The following TRAPPC9 variants were observed in gnomAD, a reference collection of about 807,000 sequenced individuals.
The protein encoded by TRAPPC9 is trafficking protein particle complex subunit 9.
TRAPPC9 carries 83 observed loss-of-function variants against 124.0 expected under a neutral mutation model. That is an observed-to-expected ratio of 0.67 (90% CI 0.56 to 0.80). The LOEUF (loss-of-function observed/expected upper bound fraction) is 0.80, where lower values mean the gene tolerates loss of function less well. Ranked by LOEUF, TRAPPC9 falls within the 30% of genes least tolerant of loss-of-function variation. TRAPPC9 has a pLI of 0.00. For missense variants in TRAPPC9, 1,302 were observed against 1,508.3 expected (o/e 0.86, Z 2.27); for synonymous variants, 638 against 617.5 (o/e 1.03, Z -0.49).
intron 21 of TRAPPC9, among the ~76,000 whole-genome samples, chr8:139,754,007 C>A (rs1819533066): frequency 6.6e-6 from 1 of 152,236 alleles, no homozygotes. Flanking sequence ...ATCAAACTGA[C>A]TTCATCTTGG....
chr8:140,423,331 T>C (rs907141105), intron 5 of TRAPPC9, among the ~76,000 whole-genome samples: 1 of 152,038 alleles, frequency 6.6e-6, no homozygotes, highest in South Asian at 2.1e-4. Flanking sequence ...TCCCAGCTAT[T>C]TGGGAGGCTG....
At position 139,730,998 on chromosome 8, in the gene TRAPPC9, G is replaced by A. The variant is rs577059363; in HGVS notation, c.*63C>T. The A allele has an allele frequency of 6.3e-7, 1 of 1,578,670 alleles. No homozygotes were observed. The highest frequency in any genetic ancestry group is 1.1e-5 in the South Asian group (1 of 88,758). ...AGTGAAGGCCTTGCTCATTGCAGGG[G>A]GTGTGGGAGGCCAGGCAGGGTCACC... On this transcript the variant is annotated 3_prime_UTR_variant, in exon 23 of 23. Transcript: ENST00000438773.
At chr8:139,922,774 AG>A (rs1391084380) in intron 19 of TRAPPC9, among the ~76,000 whole-genome samples, 2 of 152,148 alleles carry the variant, frequency 1.3e-5, no homozygotes, top group African/African-American at 4.8e-5. Context: ...GGCAGGCGAG[AG>A]GTAAAGGACG....
chr8:139,904,075 A>G (rs968150231), intron 20 of TRAPPC9, among the ~76,000 whole-genome samples: 2 of 152,114 alleles, frequency 1.3e-5, no homozygotes, highest in African/African-American at 4.8e-5. Context: ...CAAGCAAAAG[A>G]GAACACATAC....
At chr8:140,164,775 A>G (rs544199564) in intron 17 of TRAPPC9, among the ~76,000 whole-genome samples, 1 of 152,080 alleles carries the variant, frequency 6.6e-6, no homozygotes, top group African/African-American at 2.4e-5. Flanking sequence ...AGGAACCAAA[A>G]TCCACCCCGC....
intron 17 of TRAPPC9, among the ~76,000 whole-genome samples, chr8:140,146,447 A>AGTGG: frequency 6.6e-6 from 1 of 152,364 alleles, no homozygotes; most frequent in Non-Finnish European, 1.5e-5. Context: ...AGAATTTGTC[A>AGTGG]GTGGGAACCA....
At chr8:140,071,640 G>GT (rs1369296161) in intron 17 of TRAPPC9, among the ~76,000 whole-genome samples, 1 of 152,122 alleles carries the variant, frequency 6.6e-6, no homozygotes, top group African/African-American at 2.4e-5. Context: ...GATGGGGACG[G>GT]TAACGCCTGC....
At chr8:140,185,628 A>C (rs28595776) in intron 17 of TRAPPC9, among the ~76,000 whole-genome samples, 3,630 of 152,250 alleles carry the variant, frequency 0.024, 47 homozygotes, top group Middle Eastern at 0.085. Flanking sequence ...CACCCTGTAC[A>C]TGTCATTGCC....
At chr8:140,072,530 AGG>A (rs1843222142) in intron 17 of TRAPPC9, among the ~76,000 whole-genome samples, 2 of 128,218 alleles carry the variant, frequency 1.6e-5, no homozygotes, top group South Asian at 5.3e-4. Flanking sequence ...AAAAAAAAGG[AGG>A]AGGAGGAGGA....
At chr8:139,781,755 T>C (rs1360189371) in intron 21 of TRAPPC9, among the ~76,000 whole-genome samples, 7 of 152,068 alleles carry the variant, frequency 4.6e-5, no homozygotes, top group African/African-American at 1.4e-4. Context: ...GGGAGGGGTA[T>C]ATGGGAACTC....
chr8:139,957,600 C>G (rs1835085308), intron 19 of TRAPPC9, among the ~76,000 whole-genome samples: 1 of 152,192 alleles, frequency 6.6e-6, no homozygotes, highest in Non-Finnish European at 1.5e-5. Context: ...GCTGTGCTCT[C>G]TCCACCTCCA....
chr8:140,420,046 A>G (rs1458508710), intron 5 of TRAPPC9, among the ~76,000 whole-genome samples: 1 of 152,200 alleles, frequency 6.6e-6, no homozygotes, highest in East Asian at 1.9e-4. Flanking sequence ...TTGTGTTTCC[A>G]TATACTTGCA....
At chr8:140,022,410 AGC>A (rs1839878977) in intron 18 of TRAPPC9, among the ~76,000 whole-genome samples, 1 of 152,222 alleles carries the variant, frequency 6.6e-6, no homozygotes, top group South Asian at 2.1e-4. Flanking sequence ...GGATCCACAT[AGC>A]GCTTCAGCTG....
intron 17 of TRAPPC9, among the ~76,000 whole-genome samples, chr8:140,083,946 T>C (rs963511134): frequency 2.0e-5 from 3 of 152,212 alleles, no homozygotes; most frequent in Non-Finnish European, 4.4e-5. Flanking sequence ...ATTACAGGCA[T>C]GAGCGCCGCA....
At chr8:140,145,343 T>C (rs1390913277) in intron 17 of TRAPPC9, among the ~76,000 whole-genome samples, 3 of 151,894 alleles carry the variant, frequency 2.0e-5, no homozygotes, top group African/African-American at 7.2e-5. Context: ...GAAGCATTGA[T>C]GGCAGACGTC....
intron 21 of TRAPPC9, among the ~76,000 whole-genome samples, chr8:139,861,736 T>G (rs552109159): frequency 6.6e-6 from 1 of 152,162 alleles, no homozygotes; most frequent in Non-Finnish European, 1.5e-5. Context: ...ATCGAGTGGT[T>G]TTGAACAGAC....
chr8:139,948,583 T>C (rs1587314796), intron 19 of TRAPPC9, among the ~76,000 whole-genome samples: 1 of 152,074 alleles, frequency 6.6e-6, no homozygotes, highest in Non-Finnish European at 1.5e-5. Context: ...GGCAGCCCCT[T>C]CCTTTAGGAG....
intron 21 of TRAPPC9, among the ~76,000 whole-genome samples, chr8:139,856,756 G>C (rs1827825855): frequency 6.7e-6 from 1 of 149,116 alleles, no homozygotes; most frequent in Admixed American, 6.7e-5. Context: ...AAAAACCCAA[G>C]TGTTGAAGGA....
chr8:140,135,300 T>C (rs1321435729), intron 17 of TRAPPC9, among the ~76,000 whole-genome samples: 1 of 152,166 alleles, frequency 6.6e-6, no homozygotes, highest in Non-Finnish European at 1.5e-5. Flanking sequence ...TCATAGAAAC[T>C]CCACTCCCAG....
Sources: gnomAD v4.1 joint callset for allele counts (sites outside exome capture counted in the v4.1 genomes callset) on GRCh38, gnomAD v4.1.1 for gene constraint, MANE v1.5 for transcripts, NCBI Gene and HGNC (gene_info 2026-07-23, HGNC 2026-07-21) for gene names.